Variants in LRBA observed in about 807,000 individuals in gnomAD.
The protein encoded by LRBA is lipopolysaccharide-responsive and beige-like anchor protein.
A neutral mutation model predicts 330.0 loss-of-function variants in LRBA; 176 were observed. The observed-to-expected ratio is 0.53, with a 90% confidence interval of 0.47 to 0.60. The LOEUF (loss-of-function observed/expected upper bound fraction) is 0.60, where lower values mean the gene tolerates loss of function less well. Ranked by LOEUF, LRBA falls within the 20% of genes least tolerant of loss-of-function variation. The pLI is 0.00. For synonymous variants in LRBA, 1,230 were observed against 1,193.0 expected (o/e 1.03, Z -0.64); for missense variants, 3,259 against 3,444.8 (o/e 0.95, Z 1.35).
chr4:150,286,987 A>C (rs1748209865), intron 53 of LRBA, among the ~76,000 whole-genome samples: 1 of 152,230 alleles, frequency 6.6e-6, no homozygotes, highest in Non-Finnish European at 1.5e-5. Flanking sequence ...TCTAAAGGTA[A>C]AGATACAAAA....
rs1774390856 is a variant in LRBA, at chr4:150,604,158, T to C, written c.5922-5027A>G. ...GCACTGTGGCTAATGCCTGTAATCC[T>C]AGAACTCAGGGAGGCTAAGGAAGGA... On this transcript the variant is annotated intron_variant, in intron 37 of 56. Coordinates refer to ENST00000651943, the MANE Select transcript of LRBA (RefSeq NM_001364905.1). Among the ~76,000 whole-genome samples the C allele has an allele frequency of 3.3e-5, 5 of 152,050 alleles. No individual in the cohort carries two copies. The South Asian group carries it at 8.3e-4, about 25-fold the overall frequency.
chr4:150,463,143 T>C (rs1223367181), intron 44 of LRBA, among the ~76,000 whole-genome samples: 3 of 151,990 alleles, frequency 2.0e-5, no homozygotes, highest in African/African-American at 7.2e-5. Context: ...TCATCAATAT[T>C]TAATGAAAGC....
At chr4:150,336,535 CAT>C (rs1734774698) in intron 48 of LRBA, among the ~76,000 whole-genome samples, 1 of 151,410 alleles carries the variant, frequency 6.6e-6, no homozygotes, top group Non-Finnish European at 1.5e-5. Context: ...TAAAGTAAAA[CAT>C]ATTTTAAAAT....
In LRBA at chr4:150,928,993, C is replaced by A; in HGVS notation, c.289G>T (p.Asp97Tyr). 1 of 1,613,638 alleles carries A rather than the reference C, an allele frequency of 6.2e-7. No individual in the cohort carries two copies. The highest frequency in any genetic ancestry group is 2.2e-5 in the East Asian group (1 of 44,858). The change falls in exon 3 of 57, where the codon GAC becomes TAC. Residue 97 changes from aspartate to tyrosine, a missense_variant. By Grantham distance (160) the Asp-to-Tyr change is radical. Coordinates refer to ENST00000651943, the MANE Select transcript of LRBA (RefSeq NM_001364905.1). ...GTAATGTCACATTTTTCCAGTAGGTCCACCATGCAGTTAATACTCTCACCT... is the reference window on the plus strand; with the variant it reads ...GTAATGTCACATTTTTCCAGTAGGTACACCATGCAGTTAATACTCTCACCT... ...QEGESINCMV[D>Y]LLEKCDITCQ...
chr4:150,772,641 TG>T (rs1736736538), intron 34 of LRBA, among the ~76,000 whole-genome samples: 1 of 152,154 alleles, frequency 6.6e-6, no homozygotes, highest in South Asian at 2.1e-4. Context: ...AATATTTGTC[TG>T]GGAAGGATGT....
chr4:150,481,733 T>C (rs1757325684), intron 42 of LRBA, among the ~76,000 whole-genome samples: 1 of 152,154 alleles, frequency 6.6e-6, no homozygotes. Context: ...AATTCATCCA[T>C]GTTGTTGCAT....
intron 30 of LRBA, among the ~76,000 whole-genome samples, chr4:150,818,636 A>G (rs931885565): frequency 2.0e-5 from 3 of 151,694 alleles, no homozygotes; most frequent in African/African-American, 7.3e-5. Context: ...TAATTTTTGT[A>G]TTTCCTACTG....
intron 37 of LRBA, among the ~76,000 whole-genome samples, chr4:150,683,283 A>T (rs563225725): frequency 3.9e-5 from 6 of 152,256 alleles, no homozygotes; most frequent in Admixed American, 3.9e-4. Flanking sequence ...GATAAAGCAA[A>T]TATGATTTTG....
chr4:150,352,248 T>C (rs13148970), intron 47 of LRBA, among the ~76,000 whole-genome samples: 1 of 152,176 alleles, frequency 6.6e-6, no homozygotes, highest in East Asian at 1.9e-4. Flanking sequence ...ACATAAACCA[T>C]CTTGTGACAA....
intron 21 of LRBA, 151 bp downstream of exon 21, chr4:150,868,031 T>C: frequency 2.2e-6 from 2 of 919,610 alleles, no homozygotes; most frequent in Non-Finnish European, 3.2e-6. Flanking sequence ...AAATTCTAAC[T>C]TAACTATGTG....
intron 2 of LRBA, among the ~76,000 whole-genome samples, chr4:150,942,463 C>G (rs1417358634): frequency 1.3e-5 from 2 of 152,200 alleles, no homozygotes; most frequent in East Asian, 1.9e-4. Context: ...CTCTGAGAAC[C>G]ATTTTGACCT....
chr4:150,462,643 G>C (rs1754922780), intron 44 of LRBA, among the ~76,000 whole-genome samples: 1 of 151,572 alleles, frequency 6.6e-6, no homozygotes, highest in African/African-American at 2.4e-5. Flanking sequence ...TGTATCAAAG[G>C]TACTAAAAGT....
At chr4:150,755,249 A>T (rs1396115683) in intron 35 of LRBA, among the ~76,000 whole-genome samples, 2 of 152,196 alleles carry the variant, frequency 1.3e-5, no homozygotes, top group African/African-American at 4.8e-5. Context: ...TAATACTCGA[A>T]GCATTATGTC....
chr4:150,973,112 C>T (rs1338545328), intron 2 of LRBA, among the ~76,000 whole-genome samples: 1 of 151,896 alleles, frequency 6.6e-6, no homozygotes, highest in Non-Finnish European at 1.5e-5. Context: ...AGAATGAGAC[C>T]CTGTCTCTAT....
At chr4:150,825,076 T>A (rs767235637) in intron 30 of LRBA, among the ~76,000 whole-genome samples, 8 of 151,120 alleles carry the variant, frequency 5.3e-5, no homozygotes, top group Non-Finnish European at 1.2e-4. Flanking sequence ...AAAAAAAAAA[T>A]TCATAAAATG....
chr4:150,578,142 C>T (rs919518769), intron 40 of LRBA, among the ~76,000 whole-genome samples: 3 of 152,184 alleles, frequency 2.0e-5, no homozygotes, highest in Non-Finnish European at 4.4e-5. Flanking sequence ...AGGAAAAATA[C>T]AACTGAATTC....
intron 48 of LRBA, among the ~76,000 whole-genome samples, chr4:150,339,540 C>T (rs2127004611): frequency 6.6e-6 from 1 of 152,174 alleles, no homozygotes; most frequent in Non-Finnish European, 1.5e-5. Flanking sequence ...CTCTGATTTT[C>T]AAGAGACATA....
At chr4:150,397,922 T>G (rs1375140021) in intron 47 of LRBA, among the ~76,000 whole-genome samples, 2 of 152,202 alleles carry the variant, frequency 1.3e-5, no homozygotes, top group Non-Finnish European at 2.9e-5. Flanking sequence ...CAGCTCTTAT[T>G]ATCCTTCTAA....
chr4:150,873,575 G>A (rs536932724), intron 17 of LRBA, among the ~76,000 whole-genome samples: 1 of 151,728 alleles, frequency 6.6e-6, no homozygotes, highest in Non-Finnish European at 1.5e-5. Context: ...GAGCAACACA[G>A]TGAGACTCTG....
Sources: allele counts gnomAD v4.1 joint callset (sites outside exome capture counted in the v4.1 genomes callset), GRCh38; gene constraint gnomAD v4.1.1; transcripts MANE v1.5; gene names NCBI Gene and HGNC (gene_info 2026-07-23, HGNC 2026-07-21).